TBCE: variants seen among roughly 807,000 people sequenced by gnomAD.
TBCE encodes the protein tubulin-specific chaperone E.
In TBCE, 53 loss-of-function variants were observed where a neutral mutation model predicts 77.0. That is an observed-to-expected ratio of 0.69 (90% CI 0.55 to 0.87). TBCE has a LOEUF of 0.87. Among genes scored for constraint, TBCE ranks in the 40% least tolerant of loss-of-function variants. The probability of loss-of-function intolerance (pLI) is 0.00; values close to 1 mark genes in which losing one functional copy is unlikely to be tolerated. For synonymous variants in TBCE, 235 were observed against 241.3 expected (o/e 0.97, Z 0.24); for missense variants, 624 against 622.4 (o/e 1.00, Z -0.03).
At chr1:235,386,799 T>C (rs1382614114) in intron 2 of TBCE, among the ~76,000 whole-genome samples, 88 of 152,286 alleles carry the variant, frequency 5.8e-4, no homozygotes, top group African/African-American at 1.9e-3. Context: ...TCTCTCAATT[T>C]GTCAAAGTCA....
At chr1:235,394,267 G>T (rs1266326099) in intron 2 of TBCE, among the ~76,000 whole-genome samples, 6 of 151,810 alleles carry the variant, frequency 4.0e-5, no homozygotes, top group Admixed American at 1.3e-4. Context: ...GTAGAGACGG[G>T]GTTTCACCGT....
At chr1:235,373,871 G>T (rs528639904) in intron 1 of TBCE, among the ~76,000 whole-genome samples, 1 of 145,572 alleles carries the variant, frequency 6.9e-6, no homozygotes, top group South Asian at 2.1e-4. Context: ...GGATGGTCTC[G>T]ATCTCCTGAC....
At chr1:235,417,124 A>G (rs1364414526) in intron 4 of TBCE, among the ~76,000 whole-genome samples, 1 of 152,152 alleles carries the variant, frequency 6.6e-6, no homozygotes, top group Non-Finnish European at 1.5e-5. Context: ...AGACTTACTC[A>G]ATAAAGGAAT....
At chr1:235,396,906 G>C (rs1237305986) in intron 2 of TBCE, among the ~76,000 whole-genome samples, 1 of 151,998 alleles carries the variant, frequency 6.6e-6, no homozygotes, top group Non-Finnish European at 1.5e-5. Context: ...TGAGTAGTTT[G>C]TAAATATTTT....
rs186966077 is a variant in TBCE at position 235,423,238 on chromosome 1, C to T, written c.460+3677C>T. Reference sequence around the variant, plus strand: ...GGATGAGCTTCCTCCTCCCTCATGACCTGCGGAGGAGAGTCTGTGCCCAGG... The same window carrying T: ...GGATGAGCTTCCTCCTCCCTCATGATCTGCGGAGGAGAGTCTGTGCCCAGG... On this transcript the variant is annotated intron_variant, in intron 5 of 16. Transcript: ENST00000642610. 1.2e-4 allele frequency among the ~76,000 whole-genome samples: 19 copies of T among 152,138 alleles called. No individual in the cohort carries two copies. The East Asian group carries it at 3.7e-3, about 29-fold the overall frequency.
Position 235,448,440 on chromosome 1 carries a change from A to G in TBCE, c.1491A>G (p.Lys497=). The change falls in exon 16 of 17, where the codon AAA becomes AAG. Residue 497 remains lysine (K), a splice_region_variant and synonymous_variant. Coordinates refer to ENST00000642610, the MANE Select transcript of TBCE (RefSeq NM_003193.5). ...TTCTGTTGTCCTATGAAAGTCCCAAAGTAAGTTGCCCAGCAAAATACAAAG... is the reference window on the plus strand; with the variant it reads ...TTCTGTTGTCCTATGAAAGTCCCAAGGTAAGTTGCCCAGCAAAATACAAAG... The part of the protein sequence containing the change: ...SDLLLSYESP[K]KPGREIELEN... 6.2e-7 allele frequency: 1 copy of G among 1,614,072 alleles called. No individual in the cohort carries two copies. The highest frequency in any genetic ancestry group is 1.1e-5 in the South Asian group (1 of 91,078).
intron 3 of TBCE, among the ~76,000 whole-genome samples, chr1:235,409,250 CAGA>C (rs1346956139): frequency 6.6e-6 from 1 of 152,028 alleles, no homozygotes; most frequent in Non-Finnish European, 1.5e-5. Context: ...AATTGGTAGG[CAGA>C]AGGAGGAAGG....
intron 6 of TBCE, chr1:235,428,969 G>GCA (rs1680915224): frequency 9.0e-6 from 1 of 110,996 alleles, no homozygotes; most frequent in Admixed American, 1.0e-4. Context: ...ATGTATGTGT[G>GCA]TATATATATA....
At chr1:235,439,082 C>T (rs1681653229) in intron 13 of TBCE, 160 bp downstream of exon 13, 7 of 966,374 alleles carry the variant, frequency 7.2e-6, no homozygotes, top group East Asian at 2.6e-5. Flanking sequence ...TTTCCTGGGG[C>T]GAGGGCGGCA....
chr1:235,401,608 A>G, intron 3 of TBCE, 21 bp downstream of exon 3: 1 of 1,587,472 alleles, frequency 6.3e-7, no homozygotes, highest in Non-Finnish European at 8.6e-7. Context: ...ATTATGAATC[A>G]GCACGGTCAT....
chr1:235,428,181 G>A (rs956807169), intron 6 of TBCE, among the ~76,000 whole-genome samples: 2 of 152,002 alleles, frequency 1.3e-5, no homozygotes, highest in South Asian at 2.1e-4. Flanking sequence ...AAAATTAGCC[G>A]GGCGTGGTGG....
At chr1:235,435,894 G>A in intron 9 of TBCE, 54 bp downstream of exon 9, 1 of 1,485,158 alleles carries the variant, frequency 6.7e-7, no homozygotes, top group Non-Finnish European at 9.4e-7. Context: ...TCTTAGTGAA[G>A]CAGTTTTCAT....
rs1318980148 is a variant in TBCE at position 235,451,592 on chromosome 1, CAAAA to C, written c.*2833_*2836del. ...CTACAGATCCCAGAATTACCAGATA[CAAAA>C]AAGAATTATATTCAAAGATGAGACA... is the stretch of plus-strand genomic sequence containing the variant. On this transcript the variant is annotated 3_prime_UTR_variant, in exon 17 of 17. Coordinates refer to ENST00000642610, the MANE Select transcript of TBCE (RefSeq NM_003193.5). 6.6e-6 allele frequency: 1 copy of C among 151,146 alleles called. No individual in the cohort carries two copies. The highest frequency in any genetic ancestry group is 1.5e-5 in the Non-Finnish European group (1 of 67,862). 9.4% of individuals were successfully genotyped at this position (151,146 alleles called of 1,614,324 possible).
chr1:235,370,471 T>C (rs1357173327), intron 1 of TBCE, among the ~76,000 whole-genome samples: 1 of 151,856 alleles, frequency 6.6e-6, no homozygotes, highest in East Asian at 1.9e-4. Context: ...CAGGTTGGTC[T>C]TGAACTGCTG....
intron 1 of TBCE, among the ~76,000 whole-genome samples, chr1:235,371,870 C>T (rs142589374): frequency 0.019 from 2,939 of 152,264 alleles, 105 homozygotes; most frequent in African/African-American, 0.067. Context: ...GTGGGGGTTT[C>T]ACCATGTTGG....
chr1:235,436,627 A>T lies in TBCE; in HGVS notation c.963+19A>T. On this transcript the variant is annotated intron_variant, in intron 11 of 16. Coordinates refer to ENST00000642610, the MANE Select transcript of TBCE (RefSeq NM_003193.5). ...ATCACAAGTAAGAGCTGCTCGGAGT[A>T]TGCCCAGCACACTGTTGCCTCTTTC... is the stretch of plus-strand genomic sequence containing the variant. 3 of 1,606,780 alleles carry T rather than the reference A, an allele frequency of 1.9e-6. No homozygotes were observed. The highest frequency in any genetic ancestry group is 2.6e-6 in the Non-Finnish European group (3 of 1,173,278).
intron 4 of TBCE, among the ~76,000 whole-genome samples, chr1:235,416,890 T>C (rs930371712): frequency 6.6e-6 from 1 of 152,206 alleles, no homozygotes; most frequent in African/African-American, 2.4e-5. Flanking sequence ...GCTAAGGCAC[T>C]TTTGGCTCTG....
chr1:235,442,016 T>C (rs1325998826), intron 14 of TBCE, 134 bp downstream of exon 14: 4 of 783,844 alleles, frequency 5.1e-6, no homozygotes, highest in Non-Finnish European at 8.0e-6. Context: ...AAATTTTTTT[T>C]TTTTTTTTTG....
At chr1:235,373,258 C>T (rs1677081603) in intron 1 of TBCE, among the ~76,000 whole-genome samples, 1 of 151,862 alleles carries the variant, frequency 6.6e-6, no homozygotes, top group South Asian at 2.1e-4. Flanking sequence ...TTTGAAAGGG[C>T]ACTTAAAACT....
Sources: allele counts gnomAD v4.1 joint callset (sites outside exome capture counted in the v4.1 genomes callset), GRCh38; gene constraint gnomAD v4.1.1; transcripts MANE v1.5; gene names NCBI Gene and HGNC (gene_info 2026-07-23, HGNC 2026-07-21).